RALGAPA2: variants seen among roughly 807,000 people sequenced by gnomAD.
RALGAPA2 encodes the protein ral GTPase-activating protein subunit alpha-2.
In RALGAPA2, 139 loss-of-function variants were observed where a neutral mutation model predicts 230.4. The ratio of observed to expected loss-of-function variants is 0.60; its 90% CI spans 0.53 to 0.69. The LOEUF (loss-of-function observed/expected upper bound fraction) is 0.69. Ranked by LOEUF, RALGAPA2 falls within the 30% of genes least tolerant of loss-of-function variation. The pLI is 0.00. For missense variants in RALGAPA2, 2,163 were observed against 2,276.0 expected, an observed-to-expected ratio of 0.95 and a Z score of 1.01; for synonymous variants, 847 against 837.8, an observed-to-expected ratio of 1.01 and a Z score of -0.19.
chr20:20,492,895 C>A (rs1242755718), intron 36 of RALGAPA2, among the ~76,000 whole-genome samples: 1 of 152,058 alleles, frequency 6.6e-6, no homozygotes, highest in Non-Finnish European at 1.5e-5. Flanking sequence ...GGTTGCCAAG[C>A]AGGGAGATAA....
intron 4 of RALGAPA2, among the ~76,000 whole-genome samples, chr20:20,650,083 C>T (rs1568703841): frequency 1.3e-5 from 2 of 152,210 alleles, no homozygotes; most frequent in African/African-American, 2.4e-5. Context: ...GGTCATCTTG[C>T]TGTACAAACA....
chr20:20,566,710 A>G (rs778890735), intron 23 of RALGAPA2, among the ~76,000 whole-genome samples: 6 of 152,200 alleles, frequency 3.9e-5, no homozygotes, highest in Non-Finnish European at 5.9e-5. Flanking sequence ...CATTCGATAG[A>G]TAAGGGAGCC....
intron 23 of RALGAPA2, among the ~76,000 whole-genome samples, chr20:20,550,537 G>C (rs1393157015): frequency 1.3e-5 from 2 of 152,114 alleles, no homozygotes; most frequent in Non-Finnish European, 2.9e-5. Flanking sequence ...AGGAGGAAAG[G>C]GGCCATCCTT....
At chr20:20,534,523 T>A (rs181758393) in intron 26 of RALGAPA2, among the ~76,000 whole-genome samples, 7 of 151,098 alleles carry the variant, frequency 4.6e-5, no homozygotes, top group African/African-American at 1.7e-4. Flanking sequence ...ACAGGCAAAT[T>A]CCTAGAAAAG....
intron 30 of RALGAPA2, among the ~76,000 whole-genome samples, chr20:20,523,664 TATTAA>T (rs1283422061): frequency 6.6e-6 from 1 of 152,218 alleles, no homozygotes; most frequent in Non-Finnish European, 1.5e-5. Context: ...TACGTGAATG[TATTAA>T]ATTATCAAAT....
intron 36 of RALGAPA2, among the ~76,000 whole-genome samples, chr20:20,480,042 AG>A (rs1248056509): frequency 2.0e-5 from 3 of 152,256 alleles, no homozygotes; most frequent in African/African-American, 7.2e-5. Flanking sequence ...TAACAAGGAA[AG>A]TATAAAGAAA....
chr20:20,687,772 C>A (rs1026894086), intron 1 of RALGAPA2, among the ~76,000 whole-genome samples: 1 of 152,146 alleles, frequency 6.6e-6, no homozygotes, highest in African/African-American at 2.4e-5. Flanking sequence ...AACAGCCTCA[C>A]TGGTCATAAG....
At chr20:20,695,493 T>C (rs891426523) in intron 1 of RALGAPA2, among the ~76,000 whole-genome samples, 19 of 152,208 alleles carry the variant, frequency 1.2e-4, no homozygotes, top group African/African-American at 4.6e-4. Context: ...CCTTAGTCCA[T>C]ATGAGTCAAC....
Position 20,571,626 on chromosome 20 carries a change from T to A in RALGAPA2, c.3001-13A>T. 1 of 1,605,166 alleles carries A rather than the reference T, an allele frequency of 6.2e-7. No homozygotes were observed. The highest frequency in any genetic ancestry group is 8.5e-7 in the Non-Finnish European group (1 of 1,175,734). The stretch of plus-strand genomic sequence containing the variant: ...GCAGTGTCGCCGCCTGTCAAGGAGA[T>A]GATGTTTCCAGATTAAATCAAGCCC... On this transcript the variant is annotated splice_polypyrimidine_tract_variant and intron_variant, in intron 22 of 39. Transcript: ENST00000202677.
rs541203211 is a variant in RALGAPA2 at position 20,564,704 on chromosome 20, G to A, written c.3156+6754C>T. On this transcript the variant is annotated intron_variant, in intron 23 of 39. Coordinates refer to ENST00000202677, the MANE Select transcript of RALGAPA2 (RefSeq NM_020343.4). ...CTTGACTACTTGTGGATAGGTGAGG[G>A]CCCCATGGCCAGTGAGTGACAAAGC... Among the ~76,000 whole-genome samples, 11 of 152,320 alleles carry A rather than the reference G, an allele frequency of 7.2e-5. 1 individual carries two copies. In the South Asian group the frequency reaches 2.3e-3, roughly 32 times the overall value.
chr20:20,695,140 TAA>T lies in RALGAPA2; in HGVS notation c.107-14341_107-14340del, dbSNP rs1163698715. ...GAAATCTTAAGACCCAAACAATATA[TAA>T]AAGAGTATCTTTACCAATTCTAAAA... On this transcript the variant is annotated intron_variant, in intron 1 of 39. Coordinates refer to ENST00000202677, the MANE Select transcript of RALGAPA2 (RefSeq NM_020343.4). 2.0e-5 allele frequency among the ~76,000 whole-genome samples: 3 copies of T among 152,140 alleles called. No homozygotes were observed. The East Asian group carries it at 5.8e-4, about 29-fold the overall frequency.
intron 37 of RALGAPA2, 79 bp from the exon 38 acceptor site, chr20:20,412,227 T>C: frequency 6.4e-7 from 1 of 1,556,546 alleles, no homozygotes; most frequent in Non-Finnish European, 8.8e-7. Flanking sequence ...TTTAATACCG[T>C]TGTGCAATTT....
intron 31 of RALGAPA2, among the ~76,000 whole-genome samples, chr20:20,520,281 T>C (rs1028541827): frequency 3.9e-5 from 6 of 152,164 alleles, no homozygotes; most frequent in Admixed American, 1.3e-4. Flanking sequence ...AATTTTATCA[T>C]ATGTATAGAC....
At chr20:20,548,923 C>T (rs543828906) in intron 23 of RALGAPA2, among the ~76,000 whole-genome samples, 225 of 152,284 alleles carry the variant, frequency 1.5e-3, no homozygotes, top group Non-Finnish European at 1.8e-3. Flanking sequence ...TGAAAGGATT[C>T]GTGCAAACCT....
intron 35 of RALGAPA2, among the ~76,000 whole-genome samples, chr20:20,496,971 C>T (rs1479695190): frequency 1.3e-5 from 2 of 152,200 alleles, no homozygotes; most frequent in Non-Finnish European, 2.9e-5. Flanking sequence ...AATGCAACTG[C>T]GGGTGCTGAG....
intron 20 of RALGAPA2, among the ~76,000 whole-genome samples, chr20:20,579,276 T>G (rs548507825): frequency 6.6e-6 from 1 of 152,340 alleles, no homozygotes; most frequent in South Asian, 2.1e-4. Flanking sequence ...AAAGTGTATT[T>G]GTTCGCTGAT....
chr20:20,678,157 T>G (rs1324473998), intron 2 of RALGAPA2, among the ~76,000 whole-genome samples: 1 of 152,212 alleles, frequency 6.6e-6, no homozygotes, highest in Non-Finnish European at 1.5e-5. Context: ...TCCGGAGTTT[T>G]GGCCTGAATA....
intron 16 of RALGAPA2, among the ~76,000 whole-genome samples, chr20:20,596,063 G>A (rs915261415): frequency 1.3e-5 from 2 of 152,120 alleles, no homozygotes; most frequent in African/African-American, 4.8e-5. Context: ...AAAAGTGCCA[G>A]TCCTACCTCC....
chr20:20,485,159 G>C (rs1389528752), intron 36 of RALGAPA2, among the ~76,000 whole-genome samples: 1 of 151,780 alleles, frequency 6.6e-6, no homozygotes. Flanking sequence ...GGATGCAAAA[G>C]ATTGGACAAC....
Sources: allele counts gnomAD v4.1 joint callset (sites outside exome capture counted in the v4.1 genomes callset), GRCh38; gene constraint gnomAD v4.1.1; transcripts MANE v1.5; gene names NCBI Gene and HGNC (gene_info 2026-07-23, HGNC 2026-07-21).